XXYLT1: variants seen among roughly 807,000 people sequenced by gnomAD.
XXYLT1 encodes xyloside xylosyltransferase 1.
Under a neutral mutation model 28.9 loss-of-function variants are expected in XXYLT1, and 20 were observed. That is an observed-to-expected ratio of 0.69 (90% CI 0.49 to 1.00). The LOEUF is 1.00. XXYLT1 is among the 50% of genes least tolerant of loss of function. XXYLT1 has a pLI of 0.00. For missense variants in XXYLT1, 542 were observed against 560.1 expected, an observed-to-expected ratio of 0.97 and a Z score of 0.33; for synonymous variants, 257 against 253.8, an observed-to-expected ratio of 1.01 and a Z score of -0.12.
chr3:195,103,641 T>C (rs1392914385), intron 3 of XXYLT1, among the ~76,000 whole-genome samples: 1 of 152,212 alleles, frequency 6.6e-6, no homozygotes, highest in African/African-American at 2.4e-5. Flanking sequence ...TAGACTCAGA[T>C]AAATGACAGA....
At chr3:195,193,717 T>G (rs1722513527) in intron 2 of XXYLT1, among the ~76,000 whole-genome samples, 1 of 152,176 alleles carries the variant, frequency 6.6e-6, no homozygotes, top group African/African-American at 2.4e-5. Context: ...AAATTGGGAA[T>G]TCAGAAATAA....
chr3:195,152,224 C>G (rs1050633480), intron 3 of XXYLT1: 1 of 152,656 alleles, frequency 6.6e-6, no homozygotes, highest in Non-Finnish European at 1.5e-5. Context: ...CAAAATGGCA[C>G]ATCTTTACAA....
chr3:195,245,921 C>T (rs549468507), intron 1 of XXYLT1, among the ~76,000 whole-genome samples: 39 of 152,332 alleles, frequency 2.6e-4, no homozygotes, highest in Non-Finnish European at 4.3e-4. Context: ...CAGAAGCAGG[C>T]GCTGGCACCA....
intron 2 of XXYLT1, among the ~76,000 whole-genome samples, chr3:195,185,724 G>T (rs561861148): frequency 3.4e-4 from 49 of 143,174 alleles, no homozygotes; most frequent in African/African-American, 1.5e-3. Context: ...CAATGGGGAC[G>T]GCATCTTCAC....
In XXYLT1 at chr3:195,215,704, C is replaced by T. The variant is rs1344050398; in HGVS notation, c.652+11005G>A. ...TGAGTGACCTACAAAGAGACTTAGA[C>T]TCCCAAACATTAATAATGGGAGACT... On this transcript the variant is annotated intron_variant, in intron 2 of 3. Coordinates refer to ENST00000310380, the MANE Select transcript of XXYLT1 (RefSeq NM_152531.5). Among the ~76,000 whole-genome samples the T allele has an allele frequency of 9.9e-5, 15 of 151,594 alleles. No individual in the cohort carries two copies. In the East Asian group the frequency reaches 2.9e-3, roughly 29 times the overall value.
intron 3 of XXYLT1, among the ~76,000 whole-genome samples, chr3:195,087,829 C>G (rs1178772503): frequency 6.6e-6 from 1 of 151,970 alleles, no homozygotes; most frequent in Admixed American, 6.5e-5. Context: ...GTGCGCGCAC[C>G]GTGCGCGAGC....
At chr3:195,199,294 G>A (rs746685286) in intron 2 of XXYLT1, among the ~76,000 whole-genome samples, 1 of 152,110 alleles carries the variant, frequency 6.6e-6, no homozygotes, top group Non-Finnish European at 1.5e-5. Context: ...TCTCCTTTGC[G>A]GTTGCGTATG....
rs1008206644 is a variant in XXYLT1, at chr3:195,133,050, T to A, written c.785+23399A>T. On this transcript the variant is annotated intron_variant, in intron 3 of 3. Transcript: ENST00000310380. The surrounding 1 kb of genome is among the most constrained non-coding windows in gnomAD (Gnocchi z 4.4). Reference sequence around the variant, plus strand: ...TCTAGTGAAACAAAAGCTTACAACATCATAAATAAAAAACCCTGCTTGGGG... The same window carrying A: ...TCTAGTGAAACAAAAGCTTACAACAACATAAATAAAAAACCCTGCTTGGGG... Among the ~76,000 whole-genome samples the A allele has an allele frequency of 6.6e-6, 1 of 152,044 alleles. No homozygotes were observed. Among genetic ancestry groups the A allele is most frequent in the African/African-American group, 2.4e-5 (1 of 41,376 alleles).
At position 195,076,306 on chromosome 3, in the gene XXYLT1, A is replaced by G. The variant is rs1294207671; in HGVS notation, c.786-6195T>C. Among the ~76,000 whole-genome samples the G allele has an allele frequency of 6.7e-6, 1 of 150,254 alleles. No individual in the cohort carries two copies. Among genetic ancestry groups the G allele is most frequent in the Non-Finnish European group, 1.5e-5 (1 of 67,462 alleles). ...CACCCACCCCACACCCACCCGTTCC[A>G]GAGAGGAAGAAGCCCGCACGGGGTC... is the stretch of plus-strand genomic sequence containing the variant. On this transcript the variant is annotated intron_variant, in intron 3 of 3. Coordinates refer to ENST00000310380, the MANE Select transcript of XXYLT1 (RefSeq NM_152531.5). The surrounding 1 kb of genome is among the most constrained non-coding windows in gnomAD (Gnocchi z 5.3).
chr3:195,177,714 C>G (rs139764394), intron 2 of XXYLT1, among the ~76,000 whole-genome samples: 1 of 151,876 alleles, frequency 6.6e-6, no homozygotes, highest in African/African-American at 2.4e-5. Flanking sequence ...TCGCTGAGTG[C>G]AGGTGTTTGA....
At chr3:195,117,149 T>G (rs1718089945) in intron 3 of XXYLT1, among the ~76,000 whole-genome samples, 2 of 89,912 alleles carry the variant, frequency 2.2e-5, no homozygotes. Flanking sequence ...ACACATCCCC[T>G]TCAGCTCAGC....
intron 3 of XXYLT1, chr3:195,134,644 T>C (rs1269674353): frequency 1.9e-5 from 3 of 155,902 alleles, no homozygotes; most frequent in Non-Finnish European, 4.4e-5. Context: ...AAGATTAATC[T>C]TCAGGATGCC....
intron 2 of XXYLT1, among the ~76,000 whole-genome samples, chr3:195,161,028 C>T (rs966245675): frequency 5.9e-5 from 9 of 152,200 alleles, no homozygotes; most frequent in African/African-American, 2.2e-4. Context: ...AAGGGTCCTG[C>T]GCCTTGGCCA....
chr3:195,175,997 C>T (rs1721648057), intron 2 of XXYLT1: 11 of 990,100 alleles, frequency 1.1e-5, no homozygotes, highest in South Asian at 7.5e-5. Flanking sequence ...TCAGTGTATA[C>T]GTAGCAGCTT....
chr3:195,102,625 CTCCTTCTTT>C (rs1716854588), intron 3 of XXYLT1, among the ~76,000 whole-genome samples: 1 of 152,142 alleles, frequency 6.6e-6, no homozygotes, highest in Non-Finnish European at 1.5e-5. Context: ...AATGGTATGA[CTCCTTCTTT>C]TTAAAGGCCG....
At position 195,188,673 on chromosome 3, in the gene XXYLT1, T is replaced by G. The variant is rs563068039; in HGVS notation, c.653-32092A>C. On this transcript the variant is annotated intron_variant, in intron 2 of 3. Transcript: ENST00000310380. The stretch of plus-strand genomic sequence containing the variant: ...ACCCTCTTGGGCTAAGCCTCAATTT[T>G]GGGGCTTGCTTGTCCTGCATCATAA... Among the ~76,000 whole-genome samples, 4 of 152,350 alleles carry G rather than the reference T, an allele frequency of 2.6e-5. No homozygotes were observed. The East Asian group carries it at 7.7e-4, about 29-fold the overall frequency.
chr3:195,176,965 C>CCT lies in XXYLT1; in HGVS notation c.653-20385_653-20384insAG, dbSNP rs938033188. The stretch of plus-strand genomic sequence containing the variant: ...GGCCTGCTGCCGCTGCTGACGTCCC[C>CCT]CCGCCACAGCAGGTCGGGGACCACA... On this transcript the variant is annotated intron_variant, in intron 2 of 3. Transcript: ENST00000310380. This position sits in a 1 kb window ranked among gnomAD's most constrained non-coding sequence, Gnocchi z 4.9. Among the ~76,000 whole-genome samples the CCT allele has an allele frequency of 1.3e-5, 2 of 152,212 alleles. No homozygotes were observed. Among genetic ancestry groups the CCT allele is most frequent in the African/African-American group, 4.8e-5 (2 of 41,444 alleles).
chr3:195,269,833 G>A (rs1342833115), intron 1 of XXYLT1, among the ~76,000 whole-genome samples: 3 of 152,208 alleles, frequency 2.0e-5, no homozygotes, highest in Non-Finnish European at 2.9e-5. Flanking sequence ...TCTCAGACAA[G>A]GAGAGCCAGG....
chr3:195,120,950 C>T (rs1205894512), intron 3 of XXYLT1, among the ~76,000 whole-genome samples: 2 of 152,184 alleles, frequency 1.3e-5, no homozygotes, highest in Non-Finnish European at 2.9e-5. Flanking sequence ...TCGTGGTGTT[C>T]CCCTACCTCC....
Sources: allele counts gnomAD v4.1 joint callset (sites outside exome capture counted in the v4.1 genomes callset), GRCh38; gene constraint gnomAD v4.1.1; non-coding constraint Gnocchi (gnomAD v3.1); transcripts MANE v1.5; gene names NCBI Gene and HGNC (gene_info 2026-07-23, HGNC 2026-07-21).